The following MND1 variants were observed in gnomAD, a reference collection of about 807,000 sequenced individuals.
MND1 encodes meiotic nuclear division protein 1 homolog.
MND1 carries 28 observed loss-of-function variants against 35.1 expected under a neutral mutation model. The ratio of observed to expected loss-of-function variants is 0.80; its 90% confidence interval spans 0.59 to 1.09. The LOEUF (loss-of-function observed/expected upper bound fraction) is 1.09, where lower values mean the gene tolerates loss of function less well. Among genes scored for constraint, MND1 ranks in the 50% least tolerant of loss-of-function variants. MND1 has a pLI of 0.00. For synonymous variants in MND1, 69 were observed against 70.5 expected (o/e 0.98, Z 0.11); for missense variants, 213 against 239.6 (o/e 0.89, Z 0.73).
chr4:153,376,871 C>T (rs1485814060), intron 4 of MND1, among the ~76,000 whole-genome samples: 2 of 151,850 alleles, frequency 1.3e-5, no homozygotes, highest in Admixed American at 6.6e-5. Context: ...TACCTAGCAC[C>T]GTTTTTGGCA....
chr4:153,349,943 T>A lies in MND1; in HGVS notation c.4-121T>A, dbSNP rs1773170896. Reference sequence around the variant, plus strand: ...TAAAATGAGTCTTTAGGTCTGACTTTGAGAGTATCAAACCTGTTGGCATCA... The same window carrying A: ...TAAAATGAGTCTTTAGGTCTGACTTAGAGAGTATCAAACCTGTTGGCATCA... On this transcript the variant is annotated intron_variant, in intron 1 of 7. Coordinates refer to ENST00000240488, the MANE Select transcript of MND1 (RefSeq NM_032117.4). 15 of 642,290 alleles carry A rather than the reference T, an allele frequency of 2.3e-5. No homozygotes were observed. The South Asian group carries it at 3.2e-4, about 14-fold the overall frequency. 39.8% of individuals were successfully genotyped at this position (642,290 alleles called of 1,614,324 possible). A position where few individuals can be genotyped will look rare whatever the true frequency, so the allele number is the denominator to read the frequency against.
chr4:153,376,529 A>G (rs1728515258), intron 4 of MND1, among the ~76,000 whole-genome samples: 1 of 152,186 alleles, frequency 6.6e-6, no homozygotes, highest in South Asian at 2.1e-4. Context: ...TGGACATAGC[A>G]TGGGGTACTG....
chr4:153,355,004 A>C (rs140852104), intron 2 of MND1, among the ~76,000 whole-genome samples: 2 of 152,056 alleles, frequency 1.3e-5, no homozygotes, highest in African/African-American at 4.8e-5. Flanking sequence ...CTCTAAAAAA[A>C]TTTTTAAAAA....
At chr4:153,413,600 C>T (rs1729748492) in intron 7 of MND1, among the ~76,000 whole-genome samples, 1 of 151,676 alleles carries the variant, frequency 6.6e-6, no homozygotes, top group African/African-American at 2.4e-5. Flanking sequence ...GTTGCCTGAG[C>T]CTAGAAGGTG....
At chr4:153,404,484 A>C (rs1424793506) in intron 6 of MND1, among the ~76,000 whole-genome samples, 3 of 137,320 alleles carry the variant, frequency 2.2e-5, no homozygotes, top group African/African-American at 8.3e-5. Flanking sequence ...GCCACTGTGC[A>C]CGGCCTTTTT....
rs1252317023 is a variant in MND1, at chr4:153,399,927, G to T, written c.466+2594G>T. On this transcript the variant is annotated intron_variant, in intron 6 of 7. Coordinates refer to ENST00000240488, the MANE Select transcript of MND1 (RefSeq NM_032117.4). ...TTTTTTTTTTTTTTTTTGGAGACAG[G>T]GCCTTGCTCTGTCTCCCAGACTGAA... Among the ~76,000 whole-genome samples, 12 of 115,628 alleles carry T rather than the reference G, an allele frequency of 1.0e-4. No individual in the cohort carries two copies. In the East Asian group the frequency reaches 1.1e-3, roughly 11 times the overall value. The allele number at this position is 115,628 out of a possible 152,430, so 75.9% of individuals were successfully genotyped here. A position where few individuals can be genotyped will look rare whatever the true frequency, so the allele number is the denominator to read the frequency against.
intron 4 of MND1, chr4:153,361,443 T>A (rs1351612417): frequency 1.1e-5 from 5 of 456,096 alleles, no homozygotes; most frequent in South Asian, 7.7e-5. Flanking sequence ...GTCTTTGATG[T>A]TATGTTTTGA....
intron 4 of MND1, among the ~76,000 whole-genome samples, chr4:153,392,468 TC>T (rs1729074424): frequency 6.6e-6 from 1 of 152,102 alleles, no homozygotes; most frequent in Non-Finnish European, 1.5e-5. Flanking sequence ...TTAATTATTT[TC>T]TAAGTGTTTA....
At chr4:153,403,259 G>T (rs983353548) in intron 6 of MND1, among the ~76,000 whole-genome samples, 7 of 152,208 alleles carry the variant, frequency 4.6e-5, no homozygotes, top group African/African-American at 1.4e-4. Context: ...ACCTGGGACA[G>T]TCCCCACATC....
At chr4:153,391,321 G>A (rs1201534963) in intron 4 of MND1, among the ~76,000 whole-genome samples, 2 of 151,986 alleles carry the variant, frequency 1.3e-5, no homozygotes, top group African/African-American at 4.8e-5. Context: ...GCGCCACCAC[G>A]ACTGGCTAAT....
intron 6 of MND1, among the ~76,000 whole-genome samples, chr4:153,400,864 C>T (rs535412523): frequency 6.6e-6 from 1 of 151,994 alleles, no homozygotes. Context: ...GATCAGAAGA[C>T]CAGAACATTT....
At chr4:153,351,812 A>C (rs1036145602) in intron 2 of MND1, among the ~76,000 whole-genome samples, 6 of 152,232 alleles carry the variant, frequency 3.9e-5, no homozygotes, top group Non-Finnish European at 5.9e-5. Context: ...ATGTCATGGG[A>C]AAATGCTTAT....
chr4:153,344,947 G>A (rs1169631978), intron 1 of MND1, among the ~76,000 whole-genome samples: 3 of 152,118 alleles, frequency 2.0e-5, no homozygotes, highest in Non-Finnish European at 4.4e-5. Flanking sequence ...CGCCGCTCCT[G>A]TCCGGAGTCC....
intron 4 of MND1, among the ~76,000 whole-genome samples, chr4:153,371,073 A>G (rs147140824): frequency 1.2e-4 from 19 of 152,192 alleles, no homozygotes; most frequent in Middle Eastern, 3.4e-3. Context: ...GTACATTGTC[A>G]TTGGGCAGTA....
intron 4 of MND1, among the ~76,000 whole-genome samples, chr4:153,378,903 T>C (rs1030049997): frequency 1.3e-5 from 2 of 152,154 alleles, no homozygotes; most frequent in African/African-American, 2.4e-5. Context: ...CATGTATAAG[T>C]GTCTATAGAT....
rs1162258794 is a variant in MND1, at chr4:153,345,417, T to C, written c.3+677T>C. The stretch of plus-strand genomic sequence containing the variant: ...CAGGAGTCGCTGCTCTTGTGCCGGG[T>C]GCTGCTGGTTGTGTAGGGCGCTGTT... On this transcript the variant is annotated intron_variant, in intron 1 of 7. Coordinates refer to ENST00000240488, the MANE Select transcript of MND1 (RefSeq NM_032117.4). The C allele has an allele frequency of 3.0e-6, 3 of 985,544 alleles. No homozygotes were observed. In the East Asian group the frequency reaches 3.4e-4, roughly 112 times the overall value. The allele number at this position is 985,544 out of a possible 1,614,324, so 61.0% of individuals were successfully genotyped here. A position where few individuals can be genotyped will look rare whatever the true frequency, so the allele number is the denominator to read the frequency against.
chr4:153,378,693 A>G (rs1470628604), intron 4 of MND1, among the ~76,000 whole-genome samples: 2 of 152,206 alleles, frequency 1.3e-5, no homozygotes, highest in Non-Finnish European at 2.9e-5. Context: ...TTCTATGTTG[A>G]TACCTGGAAT....
chr4:153,345,507 G>C (rs1773053801), intron 1 of MND1: 11 of 985,340 alleles, frequency 1.1e-5, no homozygotes, highest in Admixed American at 6.1e-5. Context: ...TTAAGTCCTG[G>C]TAAGATCGGC....
rs566468620 is a variant in MND1, at chr4:153,408,819, CT to C, written c.467-146del. On this transcript the variant is annotated intron_variant, in intron 6 of 7. Transcript: ENST00000240488. Reference sequence around the variant, plus strand: ...ATACAATATTATGTCACTATTTCAGCTTTTTTCATAGCCATTTTATACATAA... The same window carrying C: ...ATACAATATTATGTCACTATTTCAGCTTTTTCATAGCCATTTTATACATAA... 1,045 of 198,564 alleles carry C rather than the reference CT, an allele frequency of 5.3e-3. 9 individuals are homozygous for C. Among genetic ancestry groups the C allele is most frequent in the African/African-American group, 0.024 (982 of 41,400 alleles). The allele number at this position is 198,564 out of a possible 1,614,324, so 12.3% of individuals were successfully genotyped here. A position where few individuals can be genotyped will look rare whatever the true frequency, so the allele number is the denominator to read the frequency against.
Sources: allele counts gnomAD v4.1 joint callset (sites outside exome capture counted in the v4.1 genomes callset), GRCh38; gene constraint gnomAD v4.1.1; transcripts MANE v1.5; gene names NCBI Gene and HGNC (gene_info 2026-07-23, HGNC 2026-07-21).